OSBPL8: variants seen among roughly 807,000 people sequenced by gnomAD.
OSBPL8 encodes the protein oxysterol-binding protein-related protein 8.
OSBPL8 carries 59 observed loss-of-function variants against 125.5 expected under a neutral mutation model. That is an observed-to-expected ratio of 0.47 (90% confidence interval 0.38 to 0.58). OSBPL8 has a LOEUF of 0.58. Among genes scored for constraint, OSBPL8 ranks in the 20% least tolerant of loss-of-function variants. The pLI, the probability that OSBPL8 is intolerant of heterozygous loss-of-function variation, is 0.00. For missense variants in OSBPL8, 758 were observed against 1,047.8 expected (o/e 0.72, Z 3.82); for synonymous variants, 330 against 338.9 (o/e 0.97, Z 0.29).
At chr12:76,371,900 A>C (rs1952632772) in intron 18 of OSBPL8, 1 of 175,112 alleles carries the variant, frequency 5.7e-6, no homozygotes, top group Non-Finnish European at 1.2e-5. Flanking sequence ...AAACTGTCCA[A>C]GTAGAGCATA....
rs1331401587 is a variant in OSBPL8 at position 76,515,535 on chromosome 12, T to C, written c.-67-27917A>G. Among the ~76,000 whole-genome samples the C allele has an allele frequency of 2.6e-5, 4 of 152,184 alleles. No individual in the cohort carries two copies. The East Asian group carries it at 7.7e-4, about 29-fold the overall frequency. ...GGGTGGCTCCGCAATTTCCTCACAATTGCAGCCACGTTCCCTCTCAACACT... is the reference window on the plus strand; with the variant it reads ...GGGTGGCTCCGCAATTTCCTCACAACTGCAGCCACGTTCCCTCTCAACACT... On this transcript the variant is annotated intron_variant, in intron 1 of 23. Transcript: ENST00000261183.
chr12:76,450,818 A>G (rs774494725), intron 4 of OSBPL8, 33 bp downstream of exon 4: 2 of 1,561,682 alleles, frequency 1.3e-6, no homozygotes, highest in South Asian at 2.4e-5. Context: ...AAAAACAAAA[A>G]CAAGACAAAA....
intron 14 of OSBPL8, 30 bp downstream of exon 14, chr12:76,386,138 G>T (rs766117284): frequency 1.3e-6 from 2 of 1,593,300 alleles, no homozygotes; most frequent in Non-Finnish European, 1.7e-6. Flanking sequence ...TTCCAGATCA[G>T]TTTTGTTTCC....
At chr12:76,404,321 G>A (rs1954167664) in intron 5 of OSBPL8, among the ~76,000 whole-genome samples, 1 of 152,122 alleles carries the variant, frequency 6.6e-6, no homozygotes, top group African/African-American at 2.4e-5. Flanking sequence ...ATAGGACAAT[G>A]TTTATAGTAG....
intron 1 of OSBPL8, among the ~76,000 whole-genome samples, chr12:76,550,461 G>A (rs1178405426): frequency 6.6e-6 from 1 of 152,132 alleles, no homozygotes; most frequent in Non-Finnish European, 1.5e-5. Context: ...TGAGATTACA[G>A]GGGAAAAAAC....
At chr12:76,522,022 A>C (rs1009726460) in intron 1 of OSBPL8, among the ~76,000 whole-genome samples, 1 of 152,214 alleles carries the variant, frequency 6.6e-6, no homozygotes, top group African/African-American at 2.4e-5. Flanking sequence ...ATTAGAGATC[A>C]AACTGAGGAC....
chr12:76,466,123 T>C (rs889751051), intron 2 of OSBPL8, among the ~76,000 whole-genome samples: 1 of 152,200 alleles, frequency 6.6e-6, no homozygotes, highest in Non-Finnish European at 1.5e-5. Context: ...AATTTTCTTA[T>C]ACACATACAA....
At chr12:76,452,090 C>T (rs559441462) in intron 3 of OSBPL8, among the ~76,000 whole-genome samples, 19 of 152,124 alleles carry the variant, frequency 1.2e-4, no homozygotes, top group African/African-American at 4.3e-4. Context: ...GCACTCCAGC[C>T]TGGGCAACAA....
Position 76,545,980 on chromosome 12 carries a change from G to A in OSBPL8, c.-68+13417C>T, listed in dbSNP as rs115284776. 2.7e-3 allele frequency among the ~76,000 whole-genome samples: 411 copies of A among 152,166 alleles called. 1 individual carries two copies. Among genetic ancestry groups the A allele is most frequent in the African/African-American group, 9.4e-3 (392 of 41,514 alleles). On this transcript the variant is annotated intron_variant, in intron 1 of 23. Transcript: ENST00000261183. ...GAACTGCATGGGTCCACTTATACACGGATTTTTTTCAGCCAAACAAGGACT... is the reference window on the plus strand; with the variant it reads ...GAACTGCATGGGTCCACTTATACACAGATTTTTTTCAGCCAAACAAGGACT...
intron 16 of OSBPL8, among the ~76,000 whole-genome samples, chr12:76,378,001 G>T (rs1322489046): frequency 1.3e-5 from 2 of 151,992 alleles, no homozygotes; most frequent in Non-Finnish European, 2.9e-5. Context: ...TTTAAATAAT[G>T]GGGCAAAAAG....
rs1951892226 is a variant in OSBPL8, at chr12:76,353,595, A to G, written c.*2294T>C. On this transcript the variant is annotated 3_prime_UTR_variant, in exon 24 of 24. Transcript: ENST00000261183. ...AAAGTCAATTACATATATGGCTACA[A>G]AGTTAGTAATTATGTGTTATAAAGA... 6.6e-6 allele frequency: 1 copy of G among 152,396 alleles called. No homozygotes were observed. The highest frequency in any genetic ancestry group is 1.5e-5 in the Non-Finnish European group (1 of 67,826). The allele number at this position is 152,396 out of a possible 1,614,324, so 9.4% of individuals were successfully genotyped here.
At chr12:76,409,822 C>A (rs1292641269) in intron 5 of OSBPL8, among the ~76,000 whole-genome samples, 1 of 152,106 alleles carries the variant, frequency 6.6e-6, no homozygotes, top group Non-Finnish European at 1.5e-5. Context: ...TAAGAGCAAG[C>A]CCAACTGCTG....
intron 4 of OSBPL8, among the ~76,000 whole-genome samples, chr12:76,421,579 A>G (rs897470582): frequency 2.0e-5 from 3 of 152,132 alleles, no homozygotes; most frequent in Non-Finnish European, 4.4e-5. Flanking sequence ...CCAAGAATAA[A>G]GGTTATTGTG....
At chr12:76,499,920 A>G (rs1791878049) in intron 1 of OSBPL8, among the ~76,000 whole-genome samples, 1 of 152,006 alleles carries the variant, frequency 6.6e-6, no homozygotes, top group African/African-American at 2.4e-5. Flanking sequence ...CTTACTCTCA[A>G]TAAGGCCCTT....
At chr12:76,461,808 T>C (rs951679181) in intron 2 of OSBPL8, among the ~76,000 whole-genome samples, 1 of 152,206 alleles carries the variant, frequency 6.6e-6, no homozygotes, top group African/African-American at 2.4e-5. Flanking sequence ...CATGAGAGAC[T>C]GAGTGAGAGA....
intron 21 of OSBPL8, among the ~76,000 whole-genome samples, chr12:76,364,729 T>C (rs915303286): frequency 9.9e-5 from 15 of 152,202 alleles, no homozygotes; most frequent in Non-Finnish European, 2.2e-4. Context: ...TTGGTCAATA[T>C]GCCTGTTCTT....
At chr12:76,369,859 T>G in intron 19 of OSBPL8, 37 bp from the exon 20 acceptor site, 1 of 1,551,134 alleles carries the variant, frequency 6.4e-7, no homozygotes, top group Non-Finnish European at 8.7e-7. Flanking sequence ...GTATTAAAAA[T>G]GTAACAGAAA....
rs754567122 is a variant in OSBPL8, at chr12:76,450,885, C to T, written c.183G>A (p.Gln61=). 2.5e-6 allele frequency: 4 copies of T among 1,613,406 alleles called. No individual in the cohort carries two copies. The highest frequency in any genetic ancestry group is 3.4e-6 in the Non-Finnish European group (4 of 1,179,674). Residue 61 remains glutamine (Q), a synonymous_variant, in exon 4 of 24, where the codon CAG becomes CAA. Transcript: ENST00000261183. The part of the protein sequence containing the change: ...AYPTPTKDLH[Q]PSLSPASPHS... ...GAGGACTTGCTGGACTAAGAGATGG[C>T]TGATGCAAATCTTTGGTTGGCGTTG...
At chr12:76,555,410 A>G (rs1393408856) in intron 1 of OSBPL8, among the ~76,000 whole-genome samples, 1 of 152,180 alleles carries the variant, frequency 6.6e-6, no homozygotes, top group Non-Finnish European at 1.5e-5. Flanking sequence ...ACTGAAAGAA[A>G]ATTATCTAGA....
Sources: allele counts gnomAD v4.1 joint callset (sites outside exome capture counted in the v4.1 genomes callset), GRCh38; gene constraint gnomAD v4.1.1; transcripts MANE v1.5; gene names NCBI Gene and HGNC (gene_info 2026-07-23, HGNC 2026-07-21).